FRMPD4: variants seen among roughly 807,000 people sequenced by gnomAD.
FRMPD4 encodes the protein FERM and PDZ domain containing 4.
In FRMPD4, 22 loss-of-function variants were observed where a neutral mutation model predicts 94.1. The ratio of observed to expected loss-of-function variants is 0.23; its 90% CI spans 0.17 to 0.33. The LOEUF is 0.33. Ranked by LOEUF, FRMPD4 falls within the 10% of genes least tolerant of loss-of-function variation. FRMPD4 has a pLI of 1.00. For synonymous variants in FRMPD4, 631 were observed against 548.6 expected, an observed-to-expected ratio of 1.15 and a Z score of -2.10; for missense variants, 1,111 against 1,339.9, an observed-to-expected ratio of 0.83 and a Z score of 2.67.
chrX:11,850,467 T>C (rs1448731820), intron 1 of FRMPD4, among the ~76,000 whole-genome samples: 1 of 112,204 alleles, frequency 8.9e-6, no homozygotes, highest in Non-Finnish European at 1.9e-5. Context: ...ACAAAAGCAT[T>C]GAAAGCAGGA....
At chrX:11,865,461 A>G (rs1427287552) in intron 2 of FRMPD4, among the ~76,000 whole-genome samples, 1 of 112,210 alleles carries the variant, frequency 8.9e-6, no homozygotes, top group East Asian at 2.8e-4. Context: ...AGCAAAGACA[A>G]CTATAACAAT....
At chrX:11,946,125 A>G (rs1186088586) in intron 3 of FRMPD4, among the ~76,000 whole-genome samples, 1 of 112,232 alleles carries the variant, frequency 8.9e-6, no homozygotes, top group Non-Finnish European at 1.9e-5. Flanking sequence ...AGTTTTGGAA[A>G]TTTGGACCCA....
intron 1 of FRMPD4, among the ~76,000 whole-genome samples, chrX:12,441,669 T>C (rs993825645): frequency 1.8e-5 from 2 of 111,918 alleles, no homozygotes; most frequent in Non-Finnish European, 3.8e-5. Flanking sequence ...CACATTGGAG[T>C]ATTTCTTTTT....
At chrX:11,903,675 T>C (rs1416850271) in intron 3 of FRMPD4, among the ~76,000 whole-genome samples, 1 of 112,618 alleles carries the variant, frequency 8.9e-6, no homozygotes, top group African/African-American at 3.2e-5. Context: ...TCCATAGAAA[T>C]TTCTCATTGT....
chrX:12,579,946 C>G (rs1231628497), intron 2 of FRMPD4, among the ~76,000 whole-genome samples: 2 of 112,431 alleles, frequency 1.8e-5, no homozygotes, highest in Non-Finnish European at 3.8e-5. Flanking sequence ...GTTAAAAGTT[C>G]AGATTACAGA....
chrX:12,564,200 T>C (rs2058688435), intron 2 of FRMPD4, among the ~76,000 whole-genome samples: 1 of 112,298 alleles, frequency 8.9e-6, no homozygotes, highest in Non-Finnish European at 1.9e-5. Flanking sequence ...TCCCTAAGGC[T>C]CCACCTCCAA....
intron 4 of FRMPD4, among the ~76,000 whole-genome samples, chrX:12,650,532 T>C (rs2059587198): frequency 8.9e-6 from 1 of 112,208 alleles, no homozygotes; most frequent in Admixed American, 9.4e-5. Flanking sequence ...AGTGGAGAGC[T>C]ACTGGAGGTG....
chrX:11,948,464 G>C (rs2054202471), intron 3 of FRMPD4, among the ~76,000 whole-genome samples: 1 of 111,672 alleles, frequency 9.0e-6, no homozygotes, highest in African/African-American at 3.3e-5. Context: ...TCAGCCTCCA[G>C]AACTGTGAAA....
chrX:11,895,530 T>C (rs1208701710), intron 3 of FRMPD4, among the ~76,000 whole-genome samples: 2 of 111,647 alleles, frequency 1.8e-5, no homozygotes, highest in Non-Finnish European at 3.8e-5. Context: ...GTTCATCCAA[T>C]ATAACATGCA....
intron 1 of FRMPD4, among the ~76,000 whole-genome samples, chrX:12,372,901 C>T (rs1260663777): frequency 5.4e-5 from 6 of 111,708 alleles, no homozygotes; most frequent in Non-Finnish European, 1.1e-4. Context: ...ACTGCAGGGC[C>T]GAACACCATC....
At chrX:12,271,203 T>A (rs749572073) in intron 1 of FRMPD4, among the ~76,000 whole-genome samples, 1 of 112,368 alleles carries the variant, frequency 8.9e-6, no homozygotes, top group Non-Finnish European at 1.9e-5. Flanking sequence ...ATTCCTTTTA[T>A]GTAAACTTTT....
chrX:12,216,935 A>G (rs2056813859), intron 1 of FRMPD4, among the ~76,000 whole-genome samples: 1 of 111,756 alleles, frequency 8.9e-6, no homozygotes, highest in Admixed American at 9.5e-5. Flanking sequence ...CCTGTGTCTA[A>G]GCAAGGTTTC....
intron 1 of FRMPD4, among the ~76,000 whole-genome samples, chrX:11,853,553 C>T (rs1273757652): frequency 1.8e-5 from 2 of 111,306 alleles, no homozygotes; most frequent in East Asian, 2.8e-4. Context: ...GATATTACCA[C>T]TTACCCAACA....
intron 2 of FRMPD4, among the ~76,000 whole-genome samples, chrX:11,875,869 A>ATTTTTTTTTT (rs869076863): frequency 5.2e-5 from 3 of 57,264 alleles, no homozygotes; most frequent in African/African-American, 7.0e-5. Context: ...CCACTTGAGG[A>ATTTTTTTTTT]TTTTTTTTTT....
At chrX:12,680,046 C>G (rs1290305472) in intron 5 of FRMPD4, among the ~76,000 whole-genome samples, 3 of 111,829 alleles carry the variant, frequency 2.7e-5, no homozygotes, top group African/African-American at 9.8e-5. Flanking sequence ...CTGTACAGCT[C>G]TAGGAATTGC....
rs79246366 is a variant in FRMPD4 at position 12,266,611 on chromosome X, G to A, written c.41+127599G>A. Among the ~76,000 whole-genome samples, 75 of 111,629 alleles carry A rather than the reference G, an allele frequency of 6.7e-4. 1 individual carries two copies. In the East Asian group the frequency reaches 0.02, roughly 30 times the overall value. ...TGGGTTGAGTCCTACCTTCACAGTGGGACAGCACAGCAAAGTTACCTTACT... is the reference window on the plus strand; with the variant it reads ...TGGGTTGAGTCCTACCTTCACAGTGAGACAGCACAGCAAAGTTACCTTACT... On this transcript the variant is annotated intron_variant, in intron 1 of 16. Coordinates refer to ENST00000675598, the MANE Select transcript of FRMPD4 (RefSeq NM_001368397.1).
intron 1 of FRMPD4, among the ~76,000 whole-genome samples, chrX:11,833,876 A>G (rs2053488183): frequency 1.8e-5 from 2 of 111,217 alleles, no homozygotes; most frequent in Non-Finnish European, 3.8e-5. Context: ...TCTTTTTTCT[A>G]TTTCTTATGT....
At chrX:11,877,082 C>G (rs1175229296) in intron 2 of FRMPD4, among the ~76,000 whole-genome samples, 1 of 112,003 alleles carries the variant, frequency 8.9e-6, no homozygotes, top group East Asian at 2.8e-4. Flanking sequence ...CATTGCATAT[C>G]ACCCAAAAGA....
chrX:12,453,980 T>C lies in FRMPD4; in HGVS notation c.42-44700T>C, dbSNP rs973791249. Among the ~76,000 whole-genome samples, 6 of 112,680 alleles carry C rather than the reference T, an allele frequency of 5.3e-5. No individual in the cohort carries two copies. In the Admixed American group the frequency reaches 5.6e-4, roughly 11 times the overall value. ...TTAGTTGTTATTTCCACATGTTCTATTTTGTAAATGCAGATGAAATAAATA... is the reference window on the plus strand; with the variant it reads ...TTAGTTGTTATTTCCACATGTTCTACTTTGTAAATGCAGATGAAATAAATA... On this transcript the variant is annotated intron_variant, in intron 1 of 16. Transcript: ENST00000675598.
Sources: allele counts gnomAD v4.1 joint callset (sites outside exome capture counted in the v4.1 genomes callset), GRCh38; gene constraint gnomAD v4.1.1; transcripts MANE v1.5; gene names NCBI Gene and HGNC (gene_info 2026-07-23, HGNC 2026-07-21).